LCP1: variants seen among roughly 807,000 people sequenced by gnomAD.
LCP1 encodes the protein plastin-2.
Under a neutral mutation model 72.0 loss-of-function variants are expected in LCP1, and 23 were observed. That is an observed-to-expected ratio of 0.32 (90% CI 0.23 to 0.45). The LOEUF (loss-of-function observed/expected upper bound fraction) is 0.45, where lower values mean the gene tolerates loss of function less well. LCP1 is among the 20% of genes least tolerant of loss of function. The probability of loss-of-function intolerance (pLI) is 1.00; values close to 1 mark genes in which losing one functional copy is unlikely to be tolerated. For synonymous variants in LCP1, 245 were observed against 275.4 expected, an observed-to-expected ratio of 0.89 and a Z score of 1.09; for missense variants, 571 against 748.3, an observed-to-expected ratio of 0.76 and a Z score of 2.76.
At chr13:46,147,152 C>A in intron 9 of LCP1, 49 bp from the exon 10 acceptor site, 1 of 1,440,994 alleles carries the variant, frequency 6.9e-7, no homozygotes, top group Non-Finnish European at 9.3e-7. Flanking sequence ...TCTCCATGCA[C>A]AAAGCAGATT....
intron 1 of LCP1, among the ~76,000 whole-genome samples, chr13:46,163,568 C>T (rs1221263773): frequency 6.6e-6 from 1 of 151,712 alleles, no homozygotes; most frequent in Non-Finnish European, 1.5e-5. Context: ...GCTGACCTTC[C>T]CTCCACTATT....
chr13:46,163,079 C>G (rs1330962784), intron 1 of LCP1, among the ~76,000 whole-genome samples: 2 of 151,648 alleles, frequency 1.3e-5, no homozygotes, highest in East Asian at 3.9e-4. Context: ...TCTGCCCTGC[C>G]GCCCCTTCTG....
rs775724531 is a variant in LCP1, at chr13:46,159,024, G to A, written c.65-35C>T. The stretch of plus-strand genomic sequence containing the variant: ...ACACAATATACTGAAGCTTCAGGAC[G>A]ATTCAGGCAACAGCTTTTAGAGAGG... On this transcript the variant is annotated intron_variant, in intron 2 of 15. Coordinates refer to ENST00000323076, the MANE Select transcript of LCP1 (RefSeq NM_002298.5). 3.5e-5 allele frequency: 57 copies of A among 1,605,762 alleles called. No individual in the cohort carries two copies. The South Asian group carries it at 5.6e-4, about 16-fold the overall frequency.
At chr13:46,161,353 T>C (rs1195038196) in intron 1 of LCP1, among the ~76,000 whole-genome samples, 2 of 152,216 alleles carry the variant, frequency 1.3e-5, no homozygotes, top group Non-Finnish European at 2.9e-5. Flanking sequence ...TAAAAATATA[T>C]TTTTGATATC....
chr13:46,140,741 A>G (rs768461457), intron 13 of LCP1, among the ~76,000 whole-genome samples: 3 of 152,212 alleles, frequency 2.0e-5, no homozygotes, highest in Non-Finnish European at 4.4e-5. Flanking sequence ...AAGGTAAAGG[A>G]AAGGACAGCT....
chr13:46,181,944 T>C (rs2045958064), intron 1 of LCP1, among the ~76,000 whole-genome samples, 167 bp downstream of exon 1: 1 of 151,980 alleles, frequency 6.6e-6, no homozygotes, highest in African/African-American at 2.4e-5. Context: ...CCACGCGAGG[T>C]GGCGGCAGAT....
rs186703814 is a variant in LCP1 at position 46,154,899 on chromosome 13, C to T, written c.492-13G>A. ...GTTGATCATTTTACTGAAAGAGAAA[C>T]AATTAAATTAAAGAAAGCAGTCTTC... On this transcript the variant is annotated splice_polypyrimidine_tract_variant and intron_variant, in intron 5 of 15. Coordinates refer to ENST00000323076, the MANE Select transcript of LCP1 (RefSeq NM_002298.5). 4 of 1,605,750 alleles carry T rather than the reference C, an allele frequency of 2.5e-6. No homozygotes were observed. In the East Asian group the frequency reaches 6.7e-5, roughly 27 times the overall value.
At chr13:46,152,997 A>AAT (rs1475227568) in intron 6 of LCP1, 52 bp from the exon 7 acceptor site, 1 of 1,510,428 alleles carries the variant, frequency 6.6e-7, no homozygotes, top group Non-Finnish European at 9.0e-7. Flanking sequence ...GTAGATGCCA[A>AAT]ATAATACCGA....
chr13:46,136,208 T>C (rs1481515368), intron 13 of LCP1, among the ~76,000 whole-genome samples: 2 of 152,152 alleles, frequency 1.3e-5, no homozygotes, highest in Non-Finnish European at 2.9e-5. Flanking sequence ...GACTCATCTG[T>C]ACTCACTACC....
At chr13:46,142,620 C>T (rs1157199753) in intron 12 of LCP1, 195 bp from the exon 13 acceptor site, 2 of 611,978 alleles carry the variant, frequency 3.3e-6, no homozygotes, top group Non-Finnish European at 5.7e-6. Context: ...CCCTCACTTT[C>T]ATAAAAAATA....
At chr13:46,181,947 C>T (rs569786627) in intron 1 of LCP1, among the ~76,000 whole-genome samples, 164 bp downstream of exon 1, 10 of 152,194 alleles carry the variant, frequency 6.6e-5, no homozygotes, top group East Asian at 5.8e-4. Context: ...CGCGAGGTGG[C>T]GGCAGATGTC....
chr13:46,157,799 T>C (rs540453436), intron 4 of LCP1, among the ~76,000 whole-genome samples: 2 of 141,380 alleles, frequency 1.4e-5, no homozygotes, highest in African/African-American at 2.7e-5. Flanking sequence ...CAGGCTGGAG[T>C]GCAATGGTGC....
At chr13:46,137,070 G>C (rs1431653930) in intron 13 of LCP1, among the ~76,000 whole-genome samples, 2 of 152,194 alleles carry the variant, frequency 1.3e-5, no homozygotes, top group African/African-American at 4.8e-5. Flanking sequence ...TGTGGAGGCA[G>C]CTTATTCCAT....
intron 1 of LCP1, among the ~76,000 whole-genome samples, chr13:46,162,267 C>T (rs1279536263): frequency 5.4e-4 from 63 of 116,316 alleles, no homozygotes; most frequent in African/African-American, 2.0e-3. Context: ...CTCCCCCTCC[C>T]TCCCCCTCCC....
At chr13:46,162,378 T>A (rs1038775431) in intron 1 of LCP1, among the ~76,000 whole-genome samples, 2 of 151,396 alleles carry the variant, frequency 1.3e-5, no homozygotes, top group South Asian at 4.2e-4. Context: ...TGCTGCCGTA[T>A]GGGCTCACTG....
Position 46,162,945 on chromosome 13 carries a change from T to C in LCP1, c.-24-3259A>G, listed in dbSNP as rs940134561. Reference sequence around the variant, plus strand: ...CTGAAAAGTGAGGCGCCCCTCCGCCTGGCAGCCACCCCGTCTGGGAAGTGA... The same window carrying C: ...CTGAAAAGTGAGGCGCCCCTCCGCCCGGCAGCCACCCCGTCTGGGAAGTGA... On this transcript the variant is annotated intron_variant, in intron 1 of 15. Coordinates refer to ENST00000323076, the MANE Select transcript of LCP1 (RefSeq NM_002298.5). Among the ~76,000 whole-genome samples the C allele has an allele frequency of 3.3e-5, 5 of 150,870 alleles. No individual in the cohort carries two copies. The East Asian group carries it at 9.9e-4, about 30-fold the overall frequency.
At chr13:46,148,498 A>T (rs761573459) in intron 8 of LCP1, 51 bp from the exon 9 acceptor site, 3 of 1,077,584 alleles carry the variant, frequency 2.8e-6, no homozygotes, top group Non-Finnish European at 4.2e-6. Context: ...CTAATTACAT[A>T]CTTAGCATAA....
At chr13:46,144,306 C>G (rs2045716599) in intron 11 of LCP1, 136 bp downstream of exon 11, 2 of 655,416 alleles carry the variant, frequency 3.1e-6, no homozygotes, top group Non-Finnish European at 5.4e-6. Context: ...ATCTGAAGCT[C>G]AACTTGGCAC....
intron 6 of LCP1, among the ~76,000 whole-genome samples, chr13:46,154,296 A>T (rs2045787106): frequency 6.6e-6 from 1 of 152,330 alleles, no homozygotes; most frequent in South Asian, 2.1e-4. Flanking sequence ...GAATTATGAT[A>T]ATGTTAAAAT....
Sources: allele counts gnomAD v4.1 joint callset (sites outside exome capture counted in the v4.1 genomes callset), GRCh38; gene constraint gnomAD v4.1.1; transcripts MANE v1.5; gene names NCBI Gene and HGNC (gene_info 2026-07-23, HGNC 2026-07-21).